Variants in EDEM2 observed in about 807,000 individuals in gnomAD.
EDEM2 encodes the protein ER degradation enhancing alpha-mannosidase like protein 2, also known as ER degradation-enhancing alpha-mannosidase-like protein 2.
EDEM2 carries 39 observed loss-of-function variants against 64.8 expected under a neutral mutation model. The observed-to-expected ratio is 0.60, with a 90% confidence interval of 0.47 to 0.79. The LOEUF is 0.79. EDEM2 is among the 30% of genes least tolerant of loss of function. The pLI is 0.00. For synonymous variants in EDEM2, 296 were observed against 291.5 expected (o/e 1.02, Z -0.16); for missense variants, 609 against 731.3 (o/e 0.83, Z 1.93).
At position 35,115,925 on chromosome 20, in the gene EDEM2, A is replaced by T; in HGVS notation, c.1245T>A (p.Asp415Glu). 1 of 1,613,326 alleles carries T rather than the reference A, an allele frequency of 6.2e-7. No individual in the cohort carries two copies. The highest frequency in any genetic ancestry group is 8.5e-7 in the Non-Finnish European group (1 of 1,179,484). ...KVECGFATIK[D>E]LRDHKLDNRM... The stretch of plus-strand genomic sequence containing the variant: ...GGTTGTCCAGCTTGTGGTCTCGCAG[A>T]TCTTTGATCTGACATGTGGGAGAAG... The change falls in exon 11 of 11, where the codon GAT becomes GAA. Residue 415 changes from aspartate to glutamate, a missense_variant. By Grantham distance (45) the Asp-to-Glu change is conservative. Coordinates refer to ENST00000374492, the MANE Select transcript of EDEM2 (RefSeq NM_018217.3).
intron 7 of EDEM2, among the ~76,000 whole-genome samples, chr20:35,128,515 G>A (rs1281223278): frequency 6.7e-6 from 1 of 148,766 alleles, no homozygotes; most frequent in African/African-American, 2.5e-5. Context: ...GCAGTGAGCC[G>A]AGATGGTGCC....
chr20:35,137,891 T>C lies in EDEM2; in HGVS notation c.479A>G (p.Lys160Arg), dbSNP rs982183633. ...LLRMAEEAAR[K>R]LLPAFQTPTG... is the part of the protein sequence containing the mutation. Reference sequence around the variant, plus strand: ...TGTGTGGGTCTTACCTGGGAGGAGTTTTCGGGCCGCCTCCTCAGCCATTCT... The same window carrying C: ...TGTGTGGGTCTTACCTGGGAGGAGTCTTCGGGCCGCCTCCTCAGCCATTCT... The change falls in exon 5 of 11, where the codon AAA (lysine) becomes AGA (arginine). Residue 160 changes from lysine (K) to arginine (R), a missense_variant. By Grantham distance (26) the Lys-to-Arg change is conservative. Coordinates refer to ENST00000374492, the MANE Select transcript of EDEM2 (RefSeq NM_018217.3). The C allele has an allele frequency of 1.9e-6, 3 of 1,614,052 alleles. No individual in the cohort carries two copies. The highest frequency in any genetic ancestry group is 2.5e-6 in the Non-Finnish European group (3 of 1,179,970).
intron 7 of EDEM2, among the ~76,000 whole-genome samples, chr20:35,131,011 C>T (rs1163817708): frequency 6.6e-6 from 1 of 152,136 alleles, no homozygotes; most frequent in Non-Finnish European, 1.5e-5. Context: ...CAAGCTACTT[C>T]CTGGGCAAGG....
At chr20:35,125,570 G>A (rs1213627727) in intron 8 of EDEM2, among the ~76,000 whole-genome samples, 1 of 151,842 alleles carries the variant, frequency 6.6e-6, no homozygotes, top group Non-Finnish European at 1.5e-5. Flanking sequence ...ATTTTTAGTA[G>A]AGATGGGGTT....
chr20:35,118,177 T>C (rs1003516213), intron 10 of EDEM2, among the ~76,000 whole-genome samples: 27 of 152,330 alleles, frequency 1.8e-4, no homozygotes, highest in African/African-American at 5.5e-4. Flanking sequence ...AAGAAATATC[T>C]GTGAGACTAA....
At chr20:35,147,117 A>G (rs762190194) in intron 1 of EDEM2, 35 bp downstream of exon 1, 2 of 1,590,816 alleles carry the variant, frequency 1.3e-6, no homozygotes, top group Non-Finnish European at 1.7e-6. Context: ...CACGCTTCCC[A>G]TTCCCCAACT....
intron 9 of EDEM2, among the ~76,000 whole-genome samples, chr20:35,122,789 C>G (rs577173845): frequency 9.2e-5 from 14 of 152,274 alleles, no homozygotes; most frequent in South Asian, 8.3e-4. Context: ...CTCCTGGTCC[C>G]CTCTACACCT....
intron 4 of EDEM2, among the ~76,000 whole-genome samples, chr20:35,139,234 C>T (rs1257984292): frequency 6.6e-6 from 1 of 151,964 alleles, no homozygotes; most frequent in African/African-American, 2.4e-5. Flanking sequence ...CCTGCAGTCC[C>T]AGCTACTTGG....
intron 7 of EDEM2, among the ~76,000 whole-genome samples, chr20:35,129,377 A>G (rs2085478377): frequency 6.6e-6 from 1 of 151,830 alleles, no homozygotes; most frequent in Non-Finnish European, 1.5e-5. Flanking sequence ...ACTGTACTCC[A>G]GCCTGGGCAA....
Position 35,115,634 on chromosome 20 carries a change from C to T in EDEM2, c.1536G>A (p.Arg512=). 6.2e-7 allele frequency: 1 copy of T among 1,614,170 alleles called. No homozygotes were observed. The highest frequency in any genetic ancestry group is 8.5e-7 in the Non-Finnish European group (1 of 1,180,030). Residue 512 remains arginine (R), a synonymous_variant, in exon 11 of 11, where the codon AGG becomes AGA. Coordinates refer to ENST00000374492, the MANE Select transcript of EDEM2 (RefSeq NM_018217.3). ...TAACAGTGTTTTTCTGAAATTTCGA[C>T]CTGCTCCGTTTGAGAGAGTAGAATT... ...MREFYSLKRS[R]SKFQKNTVSS...
intron 9 of EDEM2, among the ~76,000 whole-genome samples, chr20:35,122,343 T>C (rs750592611): frequency 2.0e-5 from 3 of 152,182 alleles, no homozygotes; most frequent in Non-Finnish European, 4.4e-5. Flanking sequence ...CCAGATACGA[T>C]ACCTTCTCAG....
At chr20:35,125,255 G>A (rs1002304288) in intron 8 of EDEM2, among the ~76,000 whole-genome samples, 8 of 150,794 alleles carry the variant, frequency 5.3e-5, no homozygotes, top group Non-Finnish European at 1.2e-4. Flanking sequence ...GGCTGCAATG[G>A]CATGATCATG....
chr20:35,115,692 T>TC lies in EDEM2; in HGVS notation c.1477dup (p.Glu493GlyfsTer29), dbSNP rs1278278631. On this transcript the variant is annotated frameshift_variant, in exon 11 of 11. Transcript: ENST00000374492. LOFTEE classifies it high-confidence loss of function. The stretch of plus-strand genomic sequence containing the variant: ...CAAGTCCTCCACCTCCCACTGCTCT[T>TC]CCTTCAGCCTCTGGCAGCAGTGCAG... 1 of 1,614,216 alleles carries TC rather than the reference T, an allele frequency of 6.2e-7. No homozygotes were observed. Among genetic ancestry groups the TC allele is most frequent in the South Asian group, 1.1e-5 (1 of 91,086 alleles).
intron 6 of EDEM2, among the ~76,000 whole-genome samples, chr20:35,132,521 G>A (rs769699009): frequency 6.6e-6 from 1 of 152,040 alleles, no homozygotes; most frequent in Non-Finnish European, 1.5e-5. Flanking sequence ...AGGCATGGTG[G>A]TGTGTGCCTA....
chr20:35,134,744 G>C lies in EDEM2; in HGVS notation c.696C>G (p.Ile232Met), dbSNP rs1254201626. 1.2e-6 allele frequency: 2 copies of C among 1,612,896 alleles called. No individual in the cohort carries two copies. Among genetic ancestry groups the C allele is most frequent in the African/African-American group, 2.7e-5 (2 of 75,014 alleles). ...LMRLWESRSD[I>M]GLVGNHIDVL... ...AGGGCAGCAGCGAACCTACCAGCCCGATATCTGACCGGCTCTCCCAGAGGC... is the reference window on the plus strand; with the variant it reads ...AGGGCAGCAGCGAACCTACCAGCCCCATATCTGACCGGCTCTCCCAGAGGC... The change falls in exon 6 of 11, where the codon ATC becomes ATG. Residue 232 changes from isoleucine to methionine, a missense_variant. By Grantham distance (10) the Ile-to-Met change is conservative (BLOSUM62 1). Coordinates refer to ENST00000374492, the MANE Select transcript of EDEM2 (RefSeq NM_018217.3).
At chr20:35,142,568 C>T (rs1600718423) in intron 3 of EDEM2, 90 bp from the exon 4 acceptor site, 1 of 919,332 alleles carries the variant, frequency 1.1e-6, no homozygotes, top group Admixed American at 2.5e-5. Context: ...GTGGCCCTCA[C>T]TAATTCCACT....
At chr20:35,128,385 A>G (rs1171477435) in intron 7 of EDEM2, among the ~76,000 whole-genome samples, 2 of 149,432 alleles carry the variant, frequency 1.3e-5, no homozygotes, top group Non-Finnish European at 3.0e-5. Context: ...TCTGTCTCCA[A>G]AAAAAATAAA....
At chr20:35,145,152 C>G (rs1056218500) in intron 2 of EDEM2, 134 bp from the exon 3 acceptor site, 1 of 851,222 alleles carries the variant, frequency 1.2e-6, no homozygotes. Flanking sequence ...ACAGTCACAA[C>G]AGAGAAACCA....
intron 3 of EDEM2, 21 bp from the exon 4 acceptor site, chr20:35,142,499 T>C (rs1019039440): frequency 6.3e-7 from 1 of 1,575,924 alleles, no homozygotes; most frequent in South Asian, 1.1e-5. Flanking sequence ...AAAAGAGACC[T>C]GACAATGAGG....
Sources: allele counts gnomAD v4.1 joint callset (sites outside exome capture counted in the v4.1 genomes callset), GRCh38; gene constraint gnomAD v4.1.1; transcripts MANE v1.5; gene names NCBI Gene and HGNC (gene_info 2026-07-23, HGNC 2026-07-21).